Variants in RIT2 observed in about 807,000 individuals in gnomAD.
RIT2 encodes the protein GTP-binding protein Rit2.
Under a neutral mutation model 23.7 loss-of-function variants are expected in RIT2, and 24 were observed. The ratio of observed to expected loss-of-function variants is 1.01; its 90% CI spans 0.73 to 1.43. RIT2 has a LOEUF of 1.43. Among genes scored for constraint, RIT2 ranks in the 40% most tolerant of loss-of-function variants. The pLI is 0.00. For synonymous variants in RIT2, 107 were observed against 91.1 expected (o/e 1.17, Z -0.99); for missense variants, 236 against 266.9 (o/e 0.88, Z 0.81).
At chr18:42,979,075 G>T (rs1466705862) in intron 2 of RIT2, among the ~76,000 whole-genome samples, 1 of 151,936 alleles carries the variant, frequency 6.6e-6, no homozygotes, top group African/African-American at 2.4e-5. Context: ...TTACCCATGT[G>T]GAAATGTTTT....
chr18:42,829,025 C>T (rs903966044), intron 4 of RIT2, among the ~76,000 whole-genome samples: 1 of 152,120 alleles, frequency 6.6e-6, no homozygotes, highest in South Asian at 2.1e-4. Context: ...TGACCTCTCA[C>T]TGTTGTCTAT....
Position 42,981,170 on chromosome 18 carries a change from C to A in RIT2, c.161-7023G>T, listed in dbSNP as rs148637708. 1.6e-3 allele frequency among the ~76,000 whole-genome samples: 247 copies of A among 152,194 alleles called. 2 individuals carry two copies. The highest frequency in any genetic ancestry group is 1.9e-3 in the Non-Finnish European group (127 of 67,988). ...ATGAAGGGGAAGAGAAGAAAATAAT[C>A]TTTCCTCCCCAGCACCTGGCATCTC... is the stretch of plus-strand genomic sequence containing the variant. On this transcript the variant is annotated intron_variant, in intron 2 of 4. Transcript: ENST00000326695.
intron 1 of RIT2, among the ~76,000 whole-genome samples, chr18:43,058,848 C>T (rs1435606649): frequency 6.6e-6 from 1 of 152,002 alleles, no homozygotes; most frequent in East Asian, 1.9e-4. Context: ...GTAATTGCAC[C>T]ACTGCACTCC....
chr18:42,928,884 C>T (rs1909250781), intron 3 of RIT2, among the ~76,000 whole-genome samples: 2 of 151,366 alleles, frequency 1.3e-5, no homozygotes, highest in Admixed American at 6.6e-5. Context: ...TGGTATTTGA[C>T]ACATATTTTG....
At chr18:42,928,697 G>A (rs1158001614) in intron 3 of RIT2, among the ~76,000 whole-genome samples, 3 of 151,800 alleles carry the variant, frequency 2.0e-5, no homozygotes, top group Non-Finnish European at 4.4e-5. Context: ...AAGTAGGAGT[G>A]GTAGTTTCTC....
rs185969626 is a variant in RIT2 at position 42,903,626 on chromosome 18, G to T, written c.426+19946C>A. On this transcript the variant is annotated intron_variant, in intron 4 of 4. Coordinates refer to ENST00000326695, the MANE Select transcript of RIT2 (RefSeq NM_002930.4). ...ATAGAAAATCTTCACTTCAATCCATGACTGCTACCACTACCCAATCCATCC... is the reference window on the plus strand; with the variant it reads ...ATAGAAAATCTTCACTTCAATCCATTACTGCTACCACTACCCAATCCATCC... Among the ~76,000 whole-genome samples, 281 of 152,070 alleles carry T rather than the reference G, an allele frequency of 1.8e-3. 1 individual carries two copies. Among genetic ancestry groups the T allele is most frequent in the South Asian group, 5.4e-3 (26 of 4,804 alleles).
intron 4 of RIT2, among the ~76,000 whole-genome samples, chr18:42,809,012 T>G (rs1175082001): frequency 6.6e-6 from 1 of 152,140 alleles, no homozygotes; most frequent in Non-Finnish European, 1.5e-5. Flanking sequence ...GGTGAAATTT[T>G]GGATTCAAAC....
intron 3 of RIT2, among the ~76,000 whole-genome samples, chr18:42,942,207 C>T (rs996921160): frequency 6.6e-6 from 1 of 152,144 alleles, no homozygotes; most frequent in Non-Finnish European, 1.5e-5. Flanking sequence ...AGTTGATCAC[C>T]CCCAAACCTC....
intron 1 of RIT2, among the ~76,000 whole-genome samples, chr18:43,062,546 A>C (rs532753179): frequency 3.9e-5 from 6 of 152,320 alleles, no homozygotes; most frequent in African/African-American, 1.4e-4. Context: ...ATTAAATATG[A>C]ATTCTCAAAT....
At chr18:42,798,062 A>T (rs1319238064) in intron 4 of RIT2, among the ~76,000 whole-genome samples, 1 of 152,236 alleles carries the variant, frequency 6.6e-6, no homozygotes, top group Non-Finnish European at 1.5e-5. Context: ...AGGCTATCAT[A>T]TAATAGCATG....
At chr18:42,865,843 T>C (rs576818874) in intron 4 of RIT2, among the ~76,000 whole-genome samples, 1 of 152,290 alleles carries the variant, frequency 6.6e-6, no homozygotes, top group East Asian at 1.9e-4. Context: ...GCAATCTACA[T>C]TCTGGAAAAA....
chr18:42,809,338 C>G (rs766775679), intron 4 of RIT2, among the ~76,000 whole-genome samples: 1 of 152,056 alleles, frequency 6.6e-6, no homozygotes, highest in Non-Finnish European at 1.5e-5. Context: ...ATTATTTGCT[C>G]TCCACCACAC....
chr18:43,104,875 A>C (rs1445253421), intron 1 of RIT2, among the ~76,000 whole-genome samples: 4 of 152,128 alleles, frequency 2.6e-5, no homozygotes, highest in African/African-American at 9.7e-5. Flanking sequence ...ACCATTAAAT[A>C]TGACTCTTTC....
intron 3 of RIT2, among the ~76,000 whole-genome samples, chr18:42,967,472 C>G (rs997742634): frequency 1.3e-5 from 2 of 151,512 alleles, no homozygotes; most frequent in Non-Finnish European, 2.9e-5. Flanking sequence ...CGGGTTCATG[C>G]CATTCTCCTC....
chr18:42,862,103 C>A (rs1237916572), intron 4 of RIT2, among the ~76,000 whole-genome samples: 4 of 152,060 alleles, frequency 2.6e-5, no homozygotes, highest in Admixed American at 6.6e-5. Flanking sequence ...GACTCTGTGT[C>A]CCTACCCAAA....
intron 4 of RIT2, among the ~76,000 whole-genome samples, chr18:42,885,541 G>A (rs1046614779): frequency 5.9e-5 from 9 of 152,204 alleles, no homozygotes; most frequent in Middle Eastern, 3.4e-3. Context: ...AGCCGAGATC[G>A]TGCCTCTGCG....
At chr18:42,875,578 C>T (rs898616227) in intron 4 of RIT2, among the ~76,000 whole-genome samples, 1 of 151,980 alleles carries the variant, frequency 6.6e-6, no homozygotes, top group Admixed American at 6.6e-5. Context: ...ATTCAATATG[C>T]TGAGTTCATG....
intron 4 of RIT2, among the ~76,000 whole-genome samples, chr18:42,850,228 CCTAT>C (rs1269971039): frequency 6.6e-6 from 1 of 151,992 alleles, no homozygotes; most frequent in East Asian, 1.9e-4. Flanking sequence ...CCGCTCTTTA[CCTAT>C]CTGTTTAATT....
intron 4 of RIT2, among the ~76,000 whole-genome samples, chr18:42,887,240 T>C (rs1908045853): frequency 6.6e-6 from 1 of 152,126 alleles, no homozygotes; most frequent in Non-Finnish European, 1.5e-5. Flanking sequence ...AAGTAAGTAA[T>C]TAATAAATAT....
Sources: allele counts gnomAD v4.1 joint callset (sites outside exome capture counted in the v4.1 genomes callset), GRCh38; gene constraint gnomAD v4.1.1; transcripts MANE v1.5; gene names NCBI Gene and HGNC (gene_info 2026-07-23, HGNC 2026-07-21).